Variants in STK3 observed in about 807,000 individuals in gnomAD.
The protein encoded by STK3 is serine/threonine-protein kinase 3.
STK3 carries 41 observed loss-of-function variants against 58.0 expected under a neutral mutation model. The observed-to-expected ratio is 0.71, with a 90% CI of 0.55 to 0.92. The LOEUF is 0.92. Among genes scored for constraint, STK3 ranks in the 40% least tolerant of loss-of-function variants. STK3 has a pLI of 0.00. For missense variants in STK3, 479 were observed against 602.7 expected, an observed-to-expected ratio of 0.79 and a Z score of 2.15; for synonymous variants, 170 against 191.0, an observed-to-expected ratio of 0.89 and a Z score of 0.91.
At chr8:98,363,114 A>G in the STK3 span, among the ~76,000 whole-genome samples, 1 of 152,340 alleles carries the variant, frequency 6.6e-6, no homozygotes, top group Admixed American at 6.5e-5. Context: ...CATGCTTGCA[A>G]ATAGATCAGC....
At chr8:98,686,031 C>G (rs886780987) in intron 6 of STK3, among the ~76,000 whole-genome samples, 1 of 152,080 alleles carries the variant, frequency 6.6e-6, no homozygotes, top group Non-Finnish European at 1.5e-5. Context: ...GCTTCCTATT[C>G]TAATCAACAA....
At chr8:98,925,646 G>A (rs144528428) in intron 1 of STK3, among the ~76,000 whole-genome samples, 2 of 152,240 alleles carry the variant, frequency 1.3e-5, no homozygotes, top group East Asian at 1.9e-4. Context: ...TCATCTGAAA[G>A]TTGTATTGTT....
At chr8:98,921,115 A>G (rs1319670633) in intron 1 of STK3, 1 of 152,176 alleles carries the variant, frequency 6.6e-6, no homozygotes, top group Non-Finnish European at 1.5e-5. Context: ...GGTCATTAGT[A>G]TCTGGTGATG....
At chr8:98,725,047 T>C (rs545798863) in intron 4 of STK3, among the ~76,000 whole-genome samples, 9 of 152,292 alleles carry the variant, frequency 5.9e-5, no homozygotes, top group Admixed American at 5.9e-4. Flanking sequence ...TGCCAATACC[T>C]ATGTACAAAA....
At chr8:98,549,276 C>T (rs1358611383) in intron 8 of STK3, among the ~76,000 whole-genome samples, 1 of 152,128 alleles carries the variant, frequency 6.6e-6, no homozygotes, top group Non-Finnish European at 1.5e-5. Context: ...TGTTATTTTC[C>T]ATTTTTAAAA....
intron 1 of STK3, chr8:98,921,213 C>T (rs1839545750): frequency 6.6e-6 from 1 of 151,264 alleles, no homozygotes; most frequent in African/African-American, 2.4e-5. Flanking sequence ...GGAGTTGTGT[C>T]TATCTTATTC....
intron 1 of STK3, among the ~76,000 whole-genome samples, chr8:98,920,563 C>T (rs61433611): frequency 6.6e-6 from 1 of 152,342 alleles, no homozygotes; most frequent in Admixed American, 6.5e-5. Flanking sequence ...ACAAGTGGTG[C>T]AGCCGTTGTT....
intron 1 of STK3, among the ~76,000 whole-genome samples, chr8:98,785,063 C>T (rs1832371135): frequency 6.6e-6 from 1 of 152,166 alleles, no homozygotes; most frequent in Non-Finnish European, 1.5e-5. Flanking sequence ...TGCAGCAAGG[C>T]CCTTCCACTC....
Position 98,844,612 on chromosome 8 carries a change from C to T in STK3, c.110+39035G>A, listed in dbSNP as rs188706817. On this transcript the variant is annotated intron_variant, in intron 3 of 12. Transcript: ENST00000523601. ...TCCCCAGTAGCTGGGATTACAGGCC[C>T]GCACCATCATGCTCAGCTAATTTTT... is the stretch of plus-strand genomic sequence containing the variant. Among the ~76,000 whole-genome samples the T allele has an allele frequency of 1.6e-4, 24 of 152,110 alleles. No individual in the cohort carries two copies. In the East Asian group the frequency reaches 3.5e-3, roughly 22 times the overall value.
chr8:98,618,491 G>A (rs998529578), intron 6 of STK3, among the ~76,000 whole-genome samples: 14 of 151,808 alleles, frequency 9.2e-5, no homozygotes, highest in Non-Finnish European at 1.5e-4. Context: ...AGGAAATAAA[G>A]GGTATTCAAT....
At chr8:98,510,560 T>G (rs1392307106) in intron 10 of STK3, among the ~76,000 whole-genome samples, 1 of 152,030 alleles carries the variant, frequency 6.6e-6, no homozygotes, top group Non-Finnish European at 1.5e-5. Context: ...TATTAATAAT[T>G]TCTATAAAAT....
intron 4 of STK3, among the ~76,000 whole-genome samples, chr8:98,710,346 C>T (rs149503881): frequency 6.6e-6 from 1 of 152,284 alleles, no homozygotes; most frequent in African/African-American, 2.4e-5. Context: ...GGCGGGGCAT[C>T]ACCTCACCTG....
chr8:98,514,612 TAAGCTTGGTTC>T (rs1033697015), intron 10 of STK3, among the ~76,000 whole-genome samples: 21 of 152,088 alleles, frequency 1.4e-4, no homozygotes, highest in African/African-American at 4.8e-4. Flanking sequence ...GGCCTACATT[TAAGCTTGGTTC>T]AATATATCCA....
chr8:98,860,436 C>G (rs777987994), intron 3 of STK3, among the ~76,000 whole-genome samples: 6 of 152,100 alleles, frequency 3.9e-5, no homozygotes, highest in Non-Finnish European at 7.4e-5. Context: ...TGGGAAGGAG[C>G]TTGGTGTGCT....
chr8:98,904,708 C>A, intron 1 of STK3: 1 of 808,618 alleles, frequency 1.2e-6, no homozygotes. Flanking sequence ...CACTCTCTGG[C>A]CCATAACCGT....
intron 9 of STK3, among the ~76,000 whole-genome samples, chr8:98,528,437 A>G (rs1295170977): frequency 1.3e-5 from 2 of 152,156 alleles, no homozygotes; most frequent in East Asian, 3.8e-4. Flanking sequence ...GACCACCAAG[A>G]AGGCATTTCC....
At chr8:98,425,578 G>T (rs976589638) in intron 3 of STK3, among the ~76,000 whole-genome samples, 3 of 152,162 alleles carry the variant, frequency 2.0e-5, no homozygotes, top group African/African-American at 7.2e-5. Context: ...AGGGGCATGG[G>T]TGTGAAGCCC....
intron 6 of STK3, among the ~76,000 whole-genome samples, chr8:98,630,413 G>A (rs139460860): frequency 7.0e-4 from 107 of 152,254 alleles, no homozygotes; most frequent in African/African-American, 2.4e-3. Flanking sequence ...AGGCTAAGGC[G>A]AGAGGACTGC....
chr8:98,643,915 C>A (rs1356494399), intron 6 of STK3, among the ~76,000 whole-genome samples: 1 of 152,034 alleles, frequency 6.6e-6, no homozygotes, highest in African/African-American at 2.4e-5. Context: ...TCAATGTGGG[C>A]TGAAGTGGGA....
Sources: allele counts gnomAD v4.1 joint callset (sites outside exome capture counted in the v4.1 genomes callset), GRCh38; gene constraint gnomAD v4.1.1; transcripts MANE v1.5; gene names NCBI Gene and HGNC (gene_info 2026-07-23, HGNC 2026-07-21).